DSG1: variants seen among roughly 807,000 people sequenced by gnomAD.
The protein encoded by DSG1 is desmoglein-1.
A neutral mutation model predicts 97.5 loss-of-function variants in DSG1; 39 were observed. That is an observed-to-expected ratio of 0.40 (90% CI 0.31 to 0.52). The LOEUF is 0.52. Ranked by LOEUF, DSG1 falls within the 20% of genes least tolerant of loss-of-function variation. The pLI is 0.53. For synonymous variants in DSG1, 475 were observed against 443.4 expected (o/e 1.07, Z -0.90); for missense variants, 1,311 against 1,295.4 (o/e 1.01, Z -0.18).
intron 14 of DSG1, among the ~76,000 whole-genome samples, 198 bp downstream of exon 14, chr18:31,346,396 A>T (rs936502380): frequency 1.3e-5 from 2 of 152,318 alleles, no homozygotes; most frequent in East Asian, 1.9e-4. Flanking sequence ...TCCCCAACGT[A>T]AGAACAGCCA....
At position 31,328,289 on chromosome 18, in the gene DSG1, C is replaced by G. The variant is rs573281660; in HGVS notation, c.317C>G (p.Thr106Ser). ...PYGIFVINQK[T>S]GEINITSIVD... ...GGGATCTTTGTCATTAATCAGAAAA[C>G]TGGTGAAATTAATATAACATCCATA... is the stretch of plus-strand genomic sequence containing the variant. Residue 106 changes from threonine to serine, a missense_variant, in exon 4 of 15, where the codon ACT (threonine) becomes AGT (serine). Transcript: ENST00000257192. 3.1e-6 allele frequency: 5 copies of G among 1,613,470 alleles called. No individual in the cohort carries two copies. The Admixed American group carries it at 8.3e-5, about 27-fold the overall frequency.
At chr18:31,321,448 G>A (rs986821441) in intron 1 of DSG1, among the ~76,000 whole-genome samples, 1 of 152,118 alleles carries the variant, frequency 6.6e-6, no homozygotes, top group African/African-American at 2.4e-5. Flanking sequence ...AAAATATTTT[G>A]TAGAAAATGG....
intron 10 of DSG1, among the ~76,000 whole-genome samples, chr18:31,338,989 G>A (rs1161812397): frequency 6.6e-6 from 1 of 152,080 alleles, no homozygotes; most frequent in Non-Finnish European, 1.5e-5. Flanking sequence ...GATTAATAAA[G>A]TCAGACAACT....
At position 31,331,688 on chromosome 18, in the gene DSG1, C is replaced by A; in HGVS notation, c.518-13C>A. 6.2e-7 allele frequency: 1 copy of A among 1,611,272 alleles called. No individual in the cohort carries two copies. The highest frequency in any genetic ancestry group is 1.1e-5 in the South Asian group (1 of 90,940). ...AAATCACCCATTTGCAATCAATTTT[C>A]CTTAATTTCTAGATACACTGGTGAT... On this transcript the variant is annotated splice_polypyrimidine_tract_variant and intron_variant, in intron 5 of 14. Coordinates refer to ENST00000257192, the MANE Select transcript of DSG1 (RefSeq NM_001942.4).
At position 31,343,938 on chromosome 18, in the gene DSG1, G is replaced by C. The variant is rs1285754706; in HGVS notation, c.1834G>C (p.Val612Leu). The C allele has an allele frequency of 6.2e-7, 1 of 1,612,520 alleles. No homozygotes were observed. The highest frequency in any genetic ancestry group is 8.5e-7 in the Non-Finnish European group (1 of 1,178,916). ...TCCTGTCTTTTAGGATATAACCACT[G>C]TCATACCACAAATACCACCTGATAA... ...PQPEPRDITT[V>L]IPQIPPDNAN... is the part of the protein sequence containing the mutation. The change falls in exon 13 of 15, where the codon GTC becomes CTC. Residue 612 changes from valine to leucine, a missense_variant. Transcript: ENST00000257192.
At chr18:31,325,114 A>G (rs2071677968) in intron 1 of DSG1, among the ~76,000 whole-genome samples, 1 of 152,210 alleles carries the variant, frequency 6.6e-6, no homozygotes, top group Non-Finnish European at 1.5e-5. Flanking sequence ...GACTCTGAGC[A>G]ACAGAAAATA....
At chr18:31,354,112 A>G (rs1598718917) in intron 14 of DSG1, 185 bp from the exon 15 acceptor site, 1 of 608,190 alleles carries the variant, frequency 1.6e-6, no homozygotes, top group Non-Finnish European at 2.9e-6. Flanking sequence ...ACTTAAAATG[A>G]TTTCTAACCA....
rs868778731 is a variant in DSG1, at chr18:31,358,438, A to G, written c.*3092A>G. ...ATCTTCATCTAGACATCTGTTCTAC[A>G]TTTGTGTATAAAGTTTTTAGCATCA... On this transcript the variant is annotated 3_prime_UTR_variant, in exon 15 of 15. Coordinates refer to ENST00000257192, the MANE Select transcript of DSG1 (RefSeq NM_001942.4). Among the ~76,000 whole-genome samples the G allele has an allele frequency of 3.9e-5, 6 of 152,188 alleles. No homozygotes were observed. In the Middle Eastern group the frequency reaches 0.014, roughly 345 times the overall value.
At chr18:31,322,292 A>C (rs530272662) in intron 1 of DSG1, among the ~76,000 whole-genome samples, 24 of 152,364 alleles carry the variant, frequency 1.6e-4, no homozygotes, top group Non-Finnish European at 2.9e-4. Flanking sequence ...CAGCAGAGGT[A>C]CCACAAGGAA....
chr18:31,342,845 T>A (rs976996493), intron 11 of DSG1, among the ~76,000 whole-genome samples: 4 of 151,708 alleles, frequency 2.6e-5, no homozygotes, highest in African/African-American at 9.7e-5. Context: ...AATATTTTCC[T>A]AAATAATGAC....
chr18:31,332,788 T>C (rs1229967916), intron 6 of DSG1, among the ~76,000 whole-genome samples: 1 of 152,220 alleles, frequency 6.6e-6, no homozygotes, highest in Admixed American at 6.5e-5. Flanking sequence ...TACCTAAGTC[T>C]CCTTTTATAC....
chr18:31,322,493 C>G (rs962565221), intron 1 of DSG1, among the ~76,000 whole-genome samples: 1 of 152,144 alleles, frequency 6.6e-6, no homozygotes, highest in Non-Finnish European at 1.5e-5. Flanking sequence ...GTTGGATCCA[C>G]ATAATACACA....
intron 14 of DSG1, 41 bp from the exon 15 acceptor site, chr18:31,354,256 T>C (rs1162726975): frequency 6.5e-7 from 1 of 1,532,640 alleles, no homozygotes; most frequent in South Asian, 1.1e-5. Flanking sequence ...TTGTTAAATA[T>C]GCATTCATAA....
chr18:31,324,681 C>G (rs1483688942), intron 1 of DSG1, among the ~76,000 whole-genome samples: 1 of 152,178 alleles, frequency 6.6e-6, no homozygotes, highest in Non-Finnish European at 1.5e-5. Flanking sequence ...CCTGCCAATG[C>G]TATGCTGCAG....
rs1433697098 is a variant in DSG1 at position 31,343,550 on chromosome 18, A to G, written c.1788A>G (p.Ser596=). The G allele has an allele frequency of 6.2e-7, 1 of 1,614,020 alleles. No individual in the cohort carries two copies. Among genetic ancestry groups the G allele is most frequent in the African/African-American group, 1.3e-5 (1 of 74,912 alleles). ...VPECSDGAIH[S]WAVEGPQPEP... Reference sequence around the variant, plus strand: ...AATGTTCAGATGGAGCAATTCATTCATGGGCAGTAGAAGGACCACAGCCTG... The same window carrying G: ...AATGTTCAGATGGAGCAATTCATTCGTGGGCAGTAGAAGGACCACAGCCTG... Residue 596 remains serine (S), a synonymous_variant, in exon 12 of 15, where the codon TCA becomes TCG. Transcript: ENST00000257192.
In DSG1 at chr18:31,331,781, A is replaced by C; in HGVS notation, c.598A>C (p.Arg200=). The C allele has an allele frequency of 1.2e-6, 2 of 1,612,972 alleles. No homozygotes were observed. The highest frequency in any genetic ancestry group is 1.7e-6 in the Non-Finnish European group (2 of 1,179,200). Reference sequence around the variant, plus strand: ...CTCAAAAATAGCCTTCAAGATTATAAGACAAGAACCTTCAGATTCACCAAT... The same window carrying C: ...CTCAAAAATAGCCTTCAAGATTATACGACAAGAACCTTCAGATTCACCAAT... ...LNSKIAFKII[R]QEPSDSPMFI... is the part of the protein sequence containing the mutation. Residue 200 remains arginine (R), a synonymous_variant, in exon 6 of 15, where the codon AGA becomes CGA. Coordinates refer to ENST00000257192, the MANE Select transcript of DSG1 (RefSeq NM_001942.4).
chr18:31,337,357 C>T lies in DSG1; in HGVS notation c.1265+744C>T, dbSNP rs373428072. 3.4e-4 allele frequency among the ~76,000 whole-genome samples: 51 copies of T among 152,080 alleles called. 3 individuals carry two copies. The East Asian group carries it at 5.0e-3, about 15-fold the overall frequency. On this transcript the variant is annotated intron_variant, in intron 9 of 14. Transcript: ENST00000257192. ...CTGCCACCTCTGCCTCCCGGGTTCA[C>T]GCGATTCTCCTCCCTCAGCCTCCCA...
chr18:31,336,947 A>T (rs976397018), intron 9 of DSG1, among the ~76,000 whole-genome samples: 17 of 152,176 alleles, frequency 1.1e-4, no homozygotes, highest in Non-Finnish European at 2.2e-4. Context: ...TTAAGGAATG[A>T]TTTTCCGATG....
chr18:31,354,561 A>G lies in DSG1; in HGVS notation c.2365A>G (p.Thr789Ala). 1 of 1,614,174 alleles carries G rather than the reference A, an allele frequency of 6.2e-7. No individual in the cohort carries two copies. Among genetic ancestry groups the G allele is most frequent in the Non-Finnish European group, 8.5e-7 (1 of 1,180,006 alleles). Residue 789 changes from threonine to alanine, a missense_variant, in exon 15 of 15, where the codon ACA (threonine) becomes GCA (alanine). Thr to Ala is a moderately conservative substitution (Grantham distance 58). Around this residue, in one of 3 missense-constraint regions of DSG1, gnomAD observed 1,038 missense variants for 964.6 expected, o/e 1.08. Coordinates refer to ENST00000257192, the MANE Select transcript of DSG1 (RefSeq NM_001942.4). ...TGAACCAGTTTGCCTTCCTCAGGAA[A>G]CAGAGCCCGTTGTTAGTGGACACCC... Reference protein sequence around the residue: ...STEPVCLPQETEPVVSGHPPI... With the variant: ...STEPVCLPQEAEPVVSGHPPI...
Sources: allele counts gnomAD v4.1 joint callset (sites outside exome capture counted in the v4.1 genomes callset), GRCh38; gene constraint gnomAD v4.1.1; regional missense constraint gnomAD v4.1.1; transcripts MANE v1.5; gene names NCBI Gene and HGNC (gene_info 2026-07-23, HGNC 2026-07-21).